APTX: variants seen among roughly 807,000 people sequenced by gnomAD.
APTX encodes aprataxin.
A neutral mutation model predicts 42.3 loss-of-function variants in APTX; 33 were observed. That is an observed-to-expected ratio of 0.78 (90% confidence interval 0.59 to 1.04). APTX has a LOEUF of 1.04. APTX is among the 50% of genes least tolerant of loss of function. APTX has a pLI of 0.00. For missense variants in APTX, 421 were observed against 415.1 expected, an observed-to-expected ratio of 1.01 and a Z score of -0.12; for synonymous variants, 130 against 146.7, an observed-to-expected ratio of 0.89 and a Z score of 0.82.
intron 1 of APTX, among the ~76,000 whole-genome samples, chr9:33,018,098 A>C (rs1469673618): frequency 6.6e-6 from 1 of 151,836 alleles, no homozygotes; most frequent in African/African-American, 2.4e-5. Flanking sequence ...AATGAAAACC[A>C]AAATTTTATT....
chr9:32,988,782 A>G (rs1295519977), intron 2 of APTX, among the ~76,000 whole-genome samples: 1 of 152,138 alleles, frequency 6.6e-6, no homozygotes. Context: ...TGGAAAAACA[A>G]CAACTATTAG....
chr9:32,981,934 C>T (rs76904710), intron 6 of APTX, among the ~76,000 whole-genome samples: 50 of 150,768 alleles, frequency 3.3e-4, no homozygotes, highest in African/African-American at 1.2e-3. Flanking sequence ...TCATTGGGTG[C>T]GAGTTTGAGG....
chr9:33,003,366 C>G (rs1836859142), upstream of APTX, among the ~76,000 whole-genome samples: 1 of 152,146 alleles, frequency 6.6e-6, no homozygotes, highest in Admixed American at 6.5e-5. Context: ...ATGCTAATCA[C>G]CAGAACTTTT....
At chr9:32,977,952 T>TAAA (rs1208696907) in intron 6 of APTX, among the ~76,000 whole-genome samples, 1 of 152,214 alleles carries the variant, frequency 6.6e-6, no homozygotes, top group East Asian at 1.9e-4. Context: ...CCAAGTGTGT[T>TAAA]GCTTTAAAAA....
intron 4 of APTX, 48 bp downstream of exon 4, chr9:32,987,496 T>G: frequency 6.2e-7 from 1 of 1,607,408 alleles, no homozygotes; most frequent in Non-Finnish European, 8.5e-7. Flanking sequence ...AAGCAGTCAT[T>G]ATATTTCATT....
In APTX at chr9:33,019,734, G is replaced by C; in HGVS notation, c.-5+5289C>G. The stretch of plus-strand genomic sequence containing the variant: ...GAAACTGGGGGCCCAAAGTGCTGCA[G>C]GGTCCGCACCACCAGAGAAAGATGG... On this transcript the variant is annotated intron_variant, in intron 1 of 6. Coordinates refer to the APTX transcript ENST00000436040. The C allele has an allele frequency of 5.4e-6, 3 of 553,976 alleles. No individual in the cohort carries two copies. In the East Asian group the frequency reaches 1.0e-4, roughly 19 times the overall value. The allele number at this position is 553,976 out of a possible 1,614,324, so 34.3% of individuals were successfully genotyped here. A position where few individuals can be genotyped will look rare whatever the true frequency, so the allele number is the denominator to read the frequency against.
intron 1 of APTX, among the ~76,000 whole-genome samples, chr9:32,990,419 C>T (rs1007429801): frequency 1.4e-4 from 21 of 152,034 alleles, no homozygotes; most frequent in Admixed American, 3.9e-4. Context: ...GTGATCCACC[C>T]GCCTCTGCCT....
chr9:33,011,529 C>T (rs1175827137), intron 1 of APTX, among the ~76,000 whole-genome samples: 1 of 152,108 alleles, frequency 6.6e-6, no homozygotes, highest in Non-Finnish European at 1.5e-5. Flanking sequence ...TTGTGATCCA[C>T]CCGCCTCGGC....
At chr9:32,999,254 G>C (rs1835696978) in intron 1 of APTX, among the ~76,000 whole-genome samples, 1 of 152,172 alleles carries the variant, frequency 6.6e-6, no homozygotes, top group African/African-American at 2.4e-5. Flanking sequence ...GAAATTTCAG[G>C]GGAATGATGG....
intron 1 of APTX, among the ~76,000 whole-genome samples, chr9:33,008,240 TATAA>T (rs1340716449): frequency 6.6e-6 from 1 of 151,008 alleles, no homozygotes; most frequent in Non-Finnish European, 1.5e-5. Flanking sequence ...TATATAATAA[TATAA>T]ATAAACAACA....
chr9:33,024,376 C>G (rs891478689), intron 1 of APTX, among the ~76,000 whole-genome samples: 4 of 152,238 alleles, frequency 2.6e-5, no homozygotes, highest in Non-Finnish European at 5.9e-5. Context: ...AAGAAGCGGA[C>G]CCCAATTCCC....
upstream of APTX, among the ~76,000 whole-genome samples, chr9:33,002,957 T>C (rs901612916): frequency 6.6e-6 from 1 of 152,176 alleles, no homozygotes; most frequent in Non-Finnish European, 1.5e-5. Flanking sequence ...TGCAGGTTTA[T>C]ATTAGGGTCA....
intron 1 of APTX, among the ~76,000 whole-genome samples, chr9:33,000,304 G>A (rs1391321220): frequency 6.6e-6 from 1 of 152,158 alleles, no homozygotes. Flanking sequence ...GCAAGCAGGA[G>A]CTGTGGACAT....
chr9:32,973,871 G>C (rs1047239795), intron 7 of APTX, among the ~76,000 whole-genome samples: 1 of 151,856 alleles, frequency 6.6e-6, no homozygotes, highest in Non-Finnish European at 1.5e-5. Context: ...ACTCCTTCAG[G>C]ACACACTCTA....
intron 1 of APTX, among the ~76,000 whole-genome samples, chr9:32,994,878 G>C (rs1834459708): frequency 6.6e-6 from 1 of 152,066 alleles, no homozygotes; most frequent in Non-Finnish European, 1.5e-5. Flanking sequence ...TACCATTTCA[G>C]AAATCCTAAG....
chr9:32,972,643 A>T lies in APTX; in HGVS notation c.*855T>A, dbSNP rs1458921144. 9.9e-6 allele frequency: 4 copies of T among 404,270 alleles called. No homozygotes were observed. The highest frequency in any genetic ancestry group is 2.0e-5 in the Non-Finnish European group (4 of 204,688). The allele number at this position is 404,270 out of a possible 1,614,324, so 25.0% of individuals were successfully genotyped here. On this transcript the variant is annotated 3_prime_UTR_variant, in exon 8 of 8. Coordinates refer to ENST00000379817, the MANE Select transcript of APTX (RefSeq NM_001195248.2). ...TTTTATCCAAATTTATTCTCAGGGA[A>T]AAAGAAAGTAGTGGCTCTACGCAAC...
At position 32,984,562 on chromosome 9, in the gene APTX, A is replaced by G. The variant is rs559123548; in HGVS notation, c.770+69T>C. On this transcript the variant is annotated intron_variant, in intron 6 of 7. Coordinates refer to ENST00000379817, the MANE Select transcript of APTX (RefSeq NM_001195248.2). ...CTCAGTGCAATATGTGCCCTCAGCA[A>G]GCCCAGGCTGAATCTATCTGCCCAC... 22 of 1,506,544 alleles carry G rather than the reference A, an allele frequency of 1.5e-5. No homozygotes were observed. The East Asian group carries it at 4.7e-4, about 32-fold the overall frequency. 93.3% of individuals were successfully genotyped at this position (1,506,544 alleles called of 1,614,324 possible). A position where few individuals can be genotyped will look rare whatever the true frequency, so the allele number is the denominator to read the frequency against.
rs923581567 is a variant in APTX at position 33,007,045 on chromosome 9, G to T, written c.-4-17150C>A. Among the ~76,000 whole-genome samples, 21 of 144,950 alleles carry T rather than the reference G, an allele frequency of 1.4e-4. 1 individual carries two copies. Among genetic ancestry groups the T allele is most frequent in the Admixed American group, 4.1e-4 (6 of 14,534 alleles). On this transcript the variant is annotated intron_variant, in intron 1 of 6. Transcript: ENST00000436040. Reference sequence around the variant, plus strand: ...AAAAGAAAGAAAGAAAGAAAGAAAGGCCTATCTGAGGAAAGGACAATTAGA... The same window carrying T: ...AAAAGAAAGAAAGAAAGAAAGAAAGTCCTATCTGAGGAAAGGACAATTAGA...
intron 7 of APTX, among the ~76,000 whole-genome samples, chr9:32,974,237 T>A (rs2118236428): frequency 6.6e-6 from 1 of 152,282 alleles, no homozygotes; most frequent in East Asian, 1.9e-4. Context: ...GACCCTGACA[T>A]AATAGCTTTC....
Sources: gnomAD v4.1 joint callset for allele counts (sites outside exome capture counted in the v4.1 genomes callset) on GRCh38, gnomAD v4.1.1 for gene constraint, MANE v1.5 for transcripts, NCBI Gene and HGNC (gene_info 2026-07-23, HGNC 2026-07-21) for gene names.